Variants in HABP2 observed in about 807,000 individuals in gnomAD.
The protein encoded by HABP2 is hyaluronan binding protein 2.
HABP2 carries 65 observed loss-of-function variants against 66.5 expected under a neutral mutation model. The ratio of observed to expected loss-of-function variants is 0.98; its 90% CI spans 0.80 to 1.20. The LOEUF (loss-of-function observed/expected upper bound fraction) is 1.20, where lower values mean the gene tolerates loss of function less well. Ranked by LOEUF, HABP2 falls within the 50% of genes most tolerant of loss-of-function variation. The pLI is 0.00. For missense variants in HABP2, 786 were observed against 691.0 expected, an observed-to-expected ratio of 1.14 and a Z score of -1.54; for synonymous variants, 263 against 253.9, an observed-to-expected ratio of 1.04 and a Z score of -0.34.
At chr10:113,585,688 G>A in intron 11 of HABP2, 105 bp from the exon 12 acceptor site, 1 of 838,420 alleles carries the variant, frequency 1.2e-6, no homozygotes, top group East Asian at 2.5e-5. Flanking sequence ...CTTCCCTTCT[G>A]AGCTAAGAGT....
rs780820177 is a variant in HABP2, at chr10:113,585,816, G to A, written c.1396G>A (p.Asp466Asn). 35 of 1,613,726 alleles carry A rather than the reference G, an allele frequency of 2.2e-5. No homozygotes were observed. Among genetic ancestry groups the A allele is most frequent in the African/African-American group, 6.7e-5 (5 of 74,902 alleles). Residue 466 changes from aspartate to asparagine, a missense_variant, in exon 12 of 13, where the codon GAT (aspartate) becomes AAT (asparagine). Physicochemically the swap from Asp to Asn is conservative, Grantham distance 23. Coordinates refer to ENST00000351270, the MANE Select transcript of HABP2 (RefSeq NM_004132.5). Reference sequence around the variant, plus strand: ...AGGAAAAGGGTCCCGCCAGCTCCTGGATGCCAAAGTCAAGCTGATTGCCAA... The same window carrying A: ...AGGAAAAGGGTCCCGCCAGCTCCTGAATGCCAAAGTCAAGCTGATTGCCAA... ...ETGKGSRQLLDAKVKLIANTL... is the reference protein window; with the variant it reads ...ETGKGSRQLLNAKVKLIANTL...
chr10:113,574,496 T>C, intron 3 of HABP2, 91 bp downstream of exon 3: 1 of 692,838 alleles, frequency 1.4e-6, no homozygotes, highest in Non-Finnish European at 2.6e-6. Context: ...TCTCTCCGCC[T>C]CTCTGGCCAG....
chr10:113,551,742 G>C (rs555407890), upstream of HABP2, among the ~76,000 whole-genome samples: 1 of 152,058 alleles, frequency 6.6e-6, no homozygotes, highest in Non-Finnish European at 1.5e-5. Context: ...GGAGGCAGAG[G>C]TTGCAGTGAG....
intron 9 of HABP2, 29 bp downstream of exon 9, chr10:113,582,160 G>T: frequency 6.3e-7 from 1 of 1,578,792 alleles, no homozygotes; most frequent in Non-Finnish European, 8.5e-7. Context: ...AGGGACCAGG[G>T]TGGCTTGAGT....
chr10:113,569,029 T>G (rs1390314205), intron 2 of HABP2, among the ~76,000 whole-genome samples: 2 of 152,172 alleles, frequency 1.3e-5, no homozygotes, highest in Admixed American at 1.3e-4. Flanking sequence ...ATAGCTTTAA[T>G]CAAACAGACT....
rs1845464891 is a variant in HABP2 at position 113,578,769 on chromosome 10, C to A, written c.711C>A (p.Thr237=). 2 of 1,612,352 alleles carry A rather than the reference C, an allele frequency of 1.2e-6. No individual in the cohort carries two copies. Among genetic ancestry groups the A allele is most frequent in the South Asian group, 1.1e-5 (1 of 90,994 alleles). Residue 237 remains threonine (T), a synonymous_variant, in exon 7 of 13, where the codon ACC becomes ACA. Coordinates refer to ENST00000351270, the MANE Select transcript of HABP2 (RefSeq NM_004132.5). ...ACATGTTTATGGAGGATGCTGAAAC[C>A]CATGGGATTGGGGAACACAATTTCT... ...NYNMFMEDAE[T]HGIGEHNFCR... is the part of the protein sequence containing the mutation.
chr10:113,581,760 T>C lies in HABP2; in HGVS notation c.839-116T>C, dbSNP rs1592699223. The C allele has an allele frequency of 4.1e-6, 4 of 976,220 alleles. No homozygotes were observed. The East Asian group carries it at 9.6e-5, about 23-fold the overall frequency. The allele number at this position is 976,220 out of a possible 1,614,324, so 60.5% of individuals were successfully genotyped here. ...CCACCCTGTCTGCACCAGTGCAGTC[T>C]CTCAGCTCTGGACCCCTGCTCAGCT... On this transcript the variant is annotated intron_variant, in intron 8 of 12. Transcript: ENST00000351270.
At chr10:113,558,490 G>A (rs1845041116) in intron 1 of HABP2, among the ~76,000 whole-genome samples, 1 of 152,238 alleles carries the variant, frequency 6.6e-6, no homozygotes, top group Admixed American at 6.5e-5. Context: ...GCAGAGGATA[G>A]AGACACCAGC....
chr10:113,565,425 C>T (rs1845180299), intron 1 of HABP2, among the ~76,000 whole-genome samples: 1 of 152,136 alleles, frequency 6.6e-6, no homozygotes, highest in Admixed American at 6.5e-5. Flanking sequence ...TGCCTCCACT[C>T]ATGGCAAAAG....
In HABP2 at chr10:113,589,529, G is replaced by A. The variant is rs11575788; in HGVS notation, c.*1160G>A. On this transcript the variant is annotated 3_prime_UTR_variant, in exon 13 of 13. Transcript: ENST00000351270. ...TCATCTCAGACCCATGAAATTAGGC[G>A]CCTTGTTTGAGCTGCGTTTCACACT... 2.6e-3 allele frequency: 2,583 copies of A among 1,004,944 alleles called. 47 individuals are homozygous for A. In the African/African-American group the frequency reaches 0.035, roughly 14 times the overall value. The allele number at this position is 1,004,944 out of a possible 1,614,324, so 62.3% of individuals were successfully genotyped here.
chr10:113,581,735 CCA>C, intron 8 of HABP2, 139 bp from the exon 9 acceptor site: 1 of 753,120 alleles, frequency 1.3e-6, no homozygotes, highest in African/African-American at 1.8e-5. Flanking sequence ...TACTGCATGC[CCA>C]CCCTGTCTGC....
In HABP2 at chr10:113,588,752, A is replaced by AGAC; in HGVS notation, c.*384_*386dup. On this transcript the variant is annotated 3_prime_UTR_variant, in exon 13 of 13. Coordinates refer to ENST00000351270, the MANE Select transcript of HABP2 (RefSeq NM_004132.5). ...CCATCACATCTTTATTCCTCAGCCC[A>AGAC]GACACTCGAGGCACTCAACAGAATC... The AGAC allele has an allele frequency of 1.8e-6, 1 of 568,716 alleles. No homozygotes were observed. Among genetic ancestry groups the AGAC allele is most frequent in the Non-Finnish European group, 3.1e-6 (1 of 322,180 alleles). The allele number at this position is 568,716 out of a possible 1,614,324, so 35.2% of individuals were successfully genotyped here.
chr10:113,589,209 CT>C lies in HABP2; in HGVS notation c.*841del. 1.5e-6 allele frequency: 1 copy of C among 677,428 alleles called. No individual in the cohort carries two copies. Among genetic ancestry groups the C allele is most frequent in the Non-Finnish European group, 2.5e-6 (1 of 406,478 alleles). The allele number at this position is 677,428 out of a possible 1,614,324, so 42.0% of individuals were successfully genotyped here. A position where few individuals can be genotyped will look rare whatever the true frequency, so the allele number is the denominator to read the frequency against. On this transcript the variant is annotated 3_prime_UTR_variant, in exon 13 of 13. Transcript: ENST00000351270. The stretch of plus-strand genomic sequence containing the variant: ...GGCTCACCCTCCCTTTCCTTTTCCC[CT>C]CTTCTACCCTCCCCAAGAAAAAGGG...
At chr10:113,557,596 G>T (rs59313130) in intron 1 of HABP2, among the ~76,000 whole-genome samples, 38 of 152,084 alleles carry the variant, frequency 2.5e-4, no homozygotes, top group African/African-American at 8.2e-4. Context: ...AAAATGGTTG[G>T]CGGGGAGGGG....
At chr10:113,580,543 T>G in intron 7 of HABP2, 52 bp from the exon 8 acceptor site, 1 of 915,668 alleles carries the variant, frequency 1.1e-6, no homozygotes, top group Non-Finnish European at 1.8e-6. Context: ...TTTAATAAGA[T>G]CCAGTGTGTT....
rs1845805000 is a variant in HABP2 at position 113,589,448 on chromosome 10, G to A, written c.*1079G>A. On this transcript the variant is annotated 3_prime_UTR_variant, in exon 13 of 13. Transcript: ENST00000351270. Reference sequence around the variant, plus strand: ...TAGGTTTGCCTCTGCAGAACTAATGGCTGTGACTTCAGAGAAAGCCCTGCA... The same window carrying A: ...TAGGTTTGCCTCTGCAGAACTAATGACTGTGACTTCAGAGAAAGCCCTGCA... 3.3e-6 allele frequency: 2 copies of A among 612,990 alleles called. No individual in the cohort carries two copies. The highest frequency in any genetic ancestry group is 5.6e-6 in the Non-Finnish European group (2 of 354,468). 38.0% of individuals were successfully genotyped at this position (612,990 alleles called of 1,614,324 possible).
At position 113,575,934 on chromosome 10, in the gene HABP2, C is replaced by A. The variant is rs983430666; in HGVS notation, c.261C>A (p.Asp87Glu). 2.8e-5 allele frequency: 45 copies of A among 1,612,032 alleles called. No homozygotes were observed. The highest frequency in any genetic ancestry group is 3.7e-5 in the Non-Finnish European group (44 of 1,178,180). The stretch of plus-strand genomic sequence containing the variant: ...CCAACCCCTGTGAACACGGTGGGGA[C>A]TGCCTCGTCCATGGGAGCACCTTCA... ...CQPNPCEHGG[D>E]CLVHGSTFTC... Residue 87 changes from aspartate (D) to glutamate (E), a missense_variant, in exon 4 of 13, where the codon GAC becomes GAA. Transcript: ENST00000351270.
chr10:113,579,735 G>A (rs1845483904), intron 7 of HABP2, among the ~76,000 whole-genome samples: 1 of 152,114 alleles, frequency 6.6e-6, no homozygotes, highest in African/African-American at 2.4e-5. Context: ...CTTTGAACTG[G>A]CTTCATAAAT....
chr10:113,579,710 G>A (rs1592697512), intron 7 of HABP2, among the ~76,000 whole-genome samples: 1 of 152,154 alleles, frequency 6.6e-6, no homozygotes, highest in East Asian at 1.9e-4. Context: ...TGCAGGTGAG[G>A]GGGTCTTTGT....
Sources: allele counts gnomAD v4.1 joint callset (sites outside exome capture counted in the v4.1 genomes callset), GRCh38; gene constraint gnomAD v4.1.1; transcripts MANE v1.5; gene names NCBI Gene and HGNC (gene_info 2026-07-23, HGNC 2026-07-21).